The following BEND3 variants were observed in gnomAD, a reference collection of about 807,000 sequenced individuals.
BEND3 encodes the protein BEN domain-containing protein 3.
Under a neutral mutation model 60.1 loss-of-function variants are expected in BEND3, and 13 were observed. The ratio of observed to expected loss-of-function variants is 0.22; its 90% CI spans 0.14 to 0.34. The LOEUF (loss-of-function observed/expected upper bound fraction) is 0.34, where lower values mean the gene tolerates loss of function less well. Among genes scored for constraint, BEND3 ranks in the 10% least tolerant of loss-of-function variants. The pLI, the probability that BEND3 is intolerant of heterozygous loss-of-function variation, is 1.00. For synonymous variants in BEND3, 497 were observed against 491.5 expected (o/e 1.01, Z -0.15); for missense variants, 896 against 1,138.1 (o/e 0.79, Z 3.06).
chr6:107,094,482 G>A (rs1015208214), intron 3 of BEND3, among the ~76,000 whole-genome samples: 20 of 152,050 alleles, frequency 1.3e-4, no homozygotes, highest in South Asian at 1.0e-3. Flanking sequence ...TTAGCTGGGC[G>A]TGGTGGTGCG....
rs782471049 is a variant in BEND3 at position 107,070,885 on chromosome 6, G to A, written c.306C>T (p.Ala102=). 1.1e-5 allele frequency: 17 copies of A among 1,613,804 alleles called. No homozygotes were observed. Among genetic ancestry groups the A allele is most frequent in the East Asian group, 6.7e-5 (3 of 44,896 alleles). ...SSPCQGNGEQ[A]GRGRSLGNVW... ...CATTGCCCAGGCTCCTGCCCCTGCC[G>A]GCCTGCTCACCATTGCCTTGGCAGG... is the stretch of plus-strand genomic sequence containing the variant. Residue 102 remains alanine (A), a synonymous_variant, in exon 4 of 4, where the codon GCC becomes GCT. Transcript: ENST00000369042. This position sits in a 1 kb window ranked among gnomAD's most constrained non-coding sequence, Gnocchi z 6.9.
rs2115035190 is a variant in BEND3, at chr6:107,105,900, G to A, written c.-11-6604C>T. On this transcript the variant is annotated intron_variant, in intron 1 of 3. Transcript: ENST00000369042. ...AAACTGAAGCAAACTCTCACTACCA[G>A]AAGATTCCCTTGAGAATGTGGGCCC... Among the ~76,000 whole-genome samples the A allele has an allele frequency of 2.0e-5, 3 of 152,296 alleles. No individual in the cohort carries two copies. In the South Asian group the frequency reaches 6.2e-4, roughly 32 times the overall value.
At chr6:107,085,033 C>T (rs1280255904) in intron 3 of BEND3, among the ~76,000 whole-genome samples, 16 of 152,248 alleles carry the variant, frequency 1.1e-4, no homozygotes, top group Admixed American at 5.9e-4. Flanking sequence ...AGCTGTAACA[C>T]TCATCACGAC....
intron 3 of BEND3, among the ~76,000 whole-genome samples, chr6:107,091,723 T>C (rs993142981): frequency 6.6e-6 from 1 of 152,032 alleles, no homozygotes; most frequent in Non-Finnish European, 1.5e-5. Flanking sequence ...TTACCAAACA[T>C]TTAAGGGAAA....
At chr6:107,075,122 A>T (rs1456203326) in intron 3 of BEND3, among the ~76,000 whole-genome samples, 1 of 150,608 alleles carries the variant, frequency 6.6e-6, no homozygotes, top group Non-Finnish European at 1.5e-5. Context: ...GCCACTAGGG[A>T]GGCTTAGGTG....
rs1173575253 is a variant in BEND3 at position 107,069,480 on chromosome 6, C to G, written c.1711G>C (p.Gly571Arg). Residue 571 changes from glycine (G) to arginine (R), a missense_variant, in exon 4 of 4, where the codon GGC (glycine) becomes CGC (arginine). Coordinates refer to ENST00000369042, the MANE Select transcript of BEND3 (RefSeq NM_001367314.1). ...RSIYESSLSI[G>R]NFASRLLVHL... ...ACCAGCAGGCGCGAGGCGAAGTTGC[C>G]GATGGACAGGCTGCTCTCGTAGATG... 4 of 1,612,748 alleles carry G rather than the reference C, an allele frequency of 2.5e-6. No homozygotes were observed. The highest frequency in any genetic ancestry group is 3.4e-6 in the Non-Finnish European group (4 of 1,180,028).
At position 107,085,375 on chromosome 6, in the gene BEND3, G is replaced by T. The variant is rs115810547; in HGVS notation, c.240+13176C>A. 3.2e-3 allele frequency among the ~76,000 whole-genome samples: 489 copies of T among 152,334 alleles called. 2 individuals carry two copies. The highest frequency in any genetic ancestry group is 0.011 in the African/African-American group (440 of 41,580). ...CCAAGAACCCTACCAGGTTCTCACA[G>T]CGAATATTAGAGAAAAATCCCCTTC... is the stretch of plus-strand genomic sequence containing the variant. On this transcript the variant is annotated intron_variant, in intron 3 of 3. Transcript: ENST00000369042.
chr6:107,112,509 C>T (rs557399190), intron 1 of BEND3, among the ~76,000 whole-genome samples: 246 of 152,272 alleles, frequency 1.6e-3, no homozygotes, highest in African/African-American at 5.7e-3. Flanking sequence ...ATAAAACTTT[C>T]CCATTATATT....
intron 2 of BEND3, 62 bp downstream of exon 2, chr6:107,099,187 G>A (rs1775652644): frequency 7.5e-7 from 1 of 1,339,580 alleles, no homozygotes; most frequent in Non-Finnish European, 1.1e-6. Flanking sequence ...CCATGTGAAT[G>A]TATGACCTGA....
At chr6:107,103,146 C>G (rs1474712344) in intron 1 of BEND3, among the ~76,000 whole-genome samples, 2 of 152,190 alleles carry the variant, frequency 1.3e-5, no homozygotes, top group Non-Finnish European at 2.9e-5. Flanking sequence ...AGACTCCACC[C>G]CACAATACAG....
Position 107,070,411 on chromosome 6 carries a change from G to A in BEND3, c.780C>T (p.Ser260=), listed in dbSNP as rs782218563. Residue 260 remains serine (S), a synonymous_variant, in exon 4 of 4, where the codon AGC becomes AGT. Coordinates refer to ENST00000369042, the MANE Select transcript of BEND3 (RefSeq NM_001367314.1). This position sits in a 1 kb window ranked among gnomAD's most constrained non-coding sequence, Gnocchi z 6.9. ...AAELKQIVDQ[S]LSGGDLACRL... Reference sequence around the variant, plus strand: ...GGCAGGCCAGGTCCCCCCCTGACAGGCTCTGGTCCACGATCTGCTTGAGCT... The same window carrying A: ...GGCAGGCCAGGTCCCCCCCTGACAGACTCTGGTCCACGATCTGCTTGAGCT... 6.2e-7 allele frequency: 1 copy of A among 1,613,962 alleles called. No homozygotes were observed. The highest frequency in any genetic ancestry group is 1.1e-5 in the South Asian group (1 of 91,074).
At chr6:107,108,212 C>G (rs1036379937) in intron 1 of BEND3, among the ~76,000 whole-genome samples, 1 of 152,216 alleles carries the variant, frequency 6.6e-6, no homozygotes, top group Admixed American at 6.5e-5. Flanking sequence ...CAGCCAAGCA[C>G]AGCCGCACAA....
rs1182506944 is a variant in BEND3, at chr6:107,073,197, GTATGTATATATATATA to G, written c.241-2263_241-2248del. Among the ~76,000 whole-genome samples, 74 of 30,208 alleles carry G rather than the reference GTATGTATATATATATA, an allele frequency of 2.4e-3. 5 individuals are homozygous for G. The highest frequency in any genetic ancestry group is 9.2e-3 in the East Asian group (15 of 1,636). 19.8% of individuals were successfully genotyped at this position (30,208 alleles called of 152,430 possible). On this transcript the variant is annotated intron_variant, in intron 3 of 3. Transcript: ENST00000369042. Reference sequence around the variant, plus strand: ...AATACTTCCTTCAGGGTTTGTATGTGTATGTATATATATATATATATATATATATATATATATATAT... The same window carrying G: ...AATACTTCCTTCAGGGTTTGTATGTGTATATATATATATATATATATATAT...
chr6:107,080,313 C>G (rs1686942351), intron 3 of BEND3, among the ~76,000 whole-genome samples: 1 of 139,074 alleles, frequency 7.2e-6, no homozygotes, highest in Admixed American at 7.4e-5. Flanking sequence ...CAGGACTGTG[C>G]CACTGCACTC....
In BEND3 at chr6:107,068,680, A is replaced by C. The variant is rs781980308; in HGVS notation, c.*24T>G. On this transcript the variant is annotated 3_prime_UTR_variant, in exon 4 of 4. Coordinates refer to ENST00000369042, the MANE Select transcript of BEND3 (RefSeq NM_001367314.1). The surrounding 1 kb of genome is among the most constrained non-coding windows in gnomAD (Gnocchi z 5.8). ...CATCGCTCAGCCTCTGGTGACCCCG[A>C]ATCTCTGGGCAGGTCACGGGCCTTC... The C allele has an allele frequency of 2.2e-5, 36 of 1,601,672 alleles. No individual in the cohort carries two copies. The highest frequency in any genetic ancestry group is 3.0e-5 in the Non-Finnish European group (35 of 1,174,160).
rs781872958 is a variant in BEND3, at chr6:107,069,645, T to C, written c.1546A>G (p.Ser516Gly). ...DDISVVKVED[S>G]FEGERPGRRS... ...CGACCCGGCCGCTCGCCCTCGAAGC[T>C]GTCCTCCACCTTGACCACTGAGATG... is the stretch of plus-strand genomic sequence containing the variant. Residue 516 changes from serine to glycine, a missense_variant, in exon 4 of 4, where the codon AGC becomes GGC. By Grantham distance (56) the Ser-to-Gly change is moderately conservative (BLOSUM62 0). Transcript: ENST00000369042. 3 of 1,610,316 alleles carry C rather than the reference T, an allele frequency of 1.9e-6. No individual in the cohort carries two copies. The highest frequency in any genetic ancestry group is 2.2e-5 in the East Asian group (1 of 44,876).
chr6:107,080,354 C>CAAAAAAAAAAAAAAAAAAAAAA (rs11402351), intron 3 of BEND3, among the ~76,000 whole-genome samples: 4 of 83,270 alleles, frequency 4.8e-5, no homozygotes, highest in African/African-American at 9.4e-5. Context: ...GATCCCATCT[C>CAAAAAAAAAAAAAAAAAAAAAA]AAAAAAAAAA....
At chr6:107,113,110 A>G (rs915369567) in intron 1 of BEND3, among the ~76,000 whole-genome samples, 1 of 151,450 alleles carries the variant, frequency 6.6e-6, no homozygotes, top group East Asian at 1.9e-4. Context: ...GCGAGAAGAG[A>G]TCACGCCACT....
In BEND3 at chr6:107,070,918, G is replaced by A. The variant is rs1774966507; in HGVS notation, c.273C>T (p.Asn91=). The change falls in exon 4 of 4, where the codon AAC becomes AAT. Residue 91 remains asparagine (N), a synonymous_variant. Coordinates refer to ENST00000369042, the MANE Select transcript of BEND3 (RefSeq NM_001367314.1). This position sits in a 1 kb window ranked among gnomAD's most constrained non-coding sequence, Gnocchi z 6.9. The stretch of plus-strand genomic sequence containing the variant: ...CACCATTGCCTTGGCAGGGCGAGCT[G>A]TTCTCACGGTTCCGCATGCCTGCTA... ...ALLAGMRNRE[N]SSPCQGNGEQ... 1.2e-6 allele frequency: 2 copies of A among 1,612,714 alleles called. No homozygotes were observed. The highest frequency in any genetic ancestry group is 1.7e-6 in the Non-Finnish European group (2 of 1,179,536).
Sources: allele counts gnomAD v4.1 joint callset (sites outside exome capture counted in the v4.1 genomes callset), GRCh38; gene constraint gnomAD v4.1.1; non-coding constraint Gnocchi (gnomAD v3.1); transcripts MANE v1.5; gene names NCBI Gene and HGNC (gene_info 2026-07-23, HGNC 2026-07-21).